Variants in EP400 observed in about 807,000 individuals in gnomAD.
EP400 encodes E1A-binding protein p400.
In EP400, 105 loss-of-function variants were observed where a neutral mutation model predicts 354.1. The ratio of observed to expected loss-of-function variants is 0.30; its 90% CI spans 0.25 to 0.35. The LOEUF is 0.35. EP400 is among the 10% of genes least tolerant of loss of function. The pLI, the probability that EP400 is intolerant of heterozygous loss-of-function variation, is 1.00. For synonymous variants in EP400, 1,646 were observed against 1,716.9 expected, an observed-to-expected ratio of 0.96 and a Z score of 1.02; for missense variants, 3,280 against 4,121.0, an observed-to-expected ratio of 0.80 and a Z score of 5.59.
chr12:132,073,998 C>T (rs1255808333), intron 51 of EP400, among the ~76,000 whole-genome samples: 1 of 130,910 alleles, frequency 7.6e-6, no homozygotes, highest in African/African-American at 3.0e-5. Flanking sequence ...GATCTTGGCT[C>T]ACTGCAACTT....
Position 131,990,744 on chromosome 12 carries a change from G to T in EP400, c.2629+30G>T. 1 of 1,499,276 alleles carries T rather than the reference G, an allele frequency of 6.7e-7. No individual in the cohort carries two copies. Among genetic ancestry groups the T allele is most frequent in the Non-Finnish European group, 9.2e-7 (1 of 1,087,430 alleles). 92.9% of individuals were successfully genotyped at this position (1,499,276 alleles called of 1,614,324 possible). On this transcript the variant is annotated intron_variant, in intron 9 of 52. Coordinates refer to ENST00000389561, the MANE Select transcript of EP400 (RefSeq NM_015409.5). The surrounding 1 kb of genome is among the most constrained non-coding windows in gnomAD (Gnocchi z 4.2). ...GACCCTTTAAAAAAAGGCTCACCAC[G>T]CTTGGGTGGTATTTTGTTCGGATTC... is the stretch of plus-strand genomic sequence containing the variant.
intron 12 of EP400, among the ~76,000 whole-genome samples, chr12:132,002,867 T>C (rs980183002): frequency 1.3e-5 from 2 of 152,120 alleles, no homozygotes; most frequent in African/African-American, 4.8e-5. Flanking sequence ...GAGCCTCTCA[T>C]TGGGTCAAGG....
At chr12:132,037,252 G>A (rs1428891421) in intron 30 of EP400, among the ~76,000 whole-genome samples, 5 of 152,246 alleles carry the variant, frequency 3.3e-5, no homozygotes, top group East Asian at 1.9e-4. Flanking sequence ...AGAGAAAAAC[G>A]CCCATAATTA....
rs780820685 is a variant in EP400, at chr12:132,006,690, A to G, written c.3127-10A>G. Reference sequence around the variant, plus strand: ...CGAGCTGTCATTCTTTTATTTGTTCATCACTGCAGGTCAAGTTTAATGCTC... The same window carrying G: ...CGAGCTGTCATTCTTTTATTTGTTCGTCACTGCAGGTCAAGTTTAATGCTC... On this transcript the variant is annotated splice_polypyrimidine_tract_variant and intron_variant, in intron 14 of 52. Coordinates refer to ENST00000389561, the MANE Select transcript of EP400 (RefSeq NM_015409.5). 4.5e-6 allele frequency: 7 copies of G among 1,564,240 alleles called. No individual in the cohort carries two copies. In the Admixed American group the frequency reaches 1.5e-4, roughly 34 times the overall value.
In EP400 at chr12:132,006,147, A is replaced by G. The variant is rs1298857551; in HGVS notation, c.2971A>G (p.Lys991Glu). Residue 991 changes from lysine (K) to glutamate (E), a missense_variant, in exon 14 of 53, where the codon AAG becomes GAG. Physicochemically the swap from Lys to Glu is moderately conservative, Grantham distance 56. This residue lies in a region of EP400 where 800 missense variants were observed against 840.0 expected (regional missense o/e 0.95). Transcript: ENST00000389561. ...DDCPGDRESRKDLVLIDSLFI... is the reference protein window; with the variant it reads ...DDCPGDRESREDLVLIDSLFI... ...CTGTCCAGGCGACAGGGAGAGTCGC[A>G]AGGACTTGGTTCTCATCGACTCGCT... 1.2e-6 allele frequency: 2 copies of G among 1,614,118 alleles called. No individual in the cohort carries two copies. Among genetic ancestry groups the G allele is most frequent in the African/African-American group, 1.3e-5 (1 of 75,058 alleles).
At chr12:132,015,042 G>A (rs1018133667) in intron 19 of EP400, among the ~76,000 whole-genome samples, 5 of 152,224 alleles carry the variant, frequency 3.3e-5, no homozygotes, top group East Asian at 1.9e-4. Flanking sequence ...GCCAGAGGGC[G>A]TGCACTCATG....
intron 32 of EP400, 75 bp from the exon 33 acceptor site, chr12:132,043,229 C>G: frequency 6.6e-7 from 1 of 1,510,956 alleles, no homozygotes; most frequent in East Asian, 2.3e-5. Flanking sequence ...ATTAACTTTA[C>G]ATGGGATAGC....
chr12:132,030,983 C>T (rs138322229), intron 29 of EP400, among the ~76,000 whole-genome samples: 1 of 152,330 alleles, frequency 6.6e-6, no homozygotes, highest in East Asian at 1.9e-4. Context: ...TTATCTCACA[C>T]ACACGCTCAT....
In EP400 at chr12:132,018,460, G is replaced by A. The variant is rs1035503893; in HGVS notation, c.4277+84G>A. The A allele has an allele frequency of 2.5e-5, 38 of 1,507,612 alleles. No homozygotes were observed. The highest frequency in any genetic ancestry group is 3.4e-5 in the Non-Finnish European group (38 of 1,129,642). 93.4% of individuals were successfully genotyped at this position (1,507,612 alleles called of 1,614,324 possible). A position where few individuals can be genotyped will look rare whatever the true frequency, so the allele number is the denominator to read the frequency against. ...CAGGTCTATGCGTGGTGAAAAGAAAGGCTGCTAATGTAGTTAGGTTATCTG... is the reference window on the plus strand; with the variant it reads ...CAGGTCTATGCGTGGTGAAAAGAAAAGCTGCTAATGTAGTTAGGTTATCTG... On this transcript the variant is annotated intron_variant, in intron 21 of 52. Coordinates refer to ENST00000389561, the MANE Select transcript of EP400 (RefSeq NM_015409.5). This position sits in a 1 kb window ranked among gnomAD's most constrained non-coding sequence, Gnocchi z 4.0.
chr12:132,037,052 A>G (rs1894743369), intron 30 of EP400, among the ~76,000 whole-genome samples: 1 of 152,124 alleles, frequency 6.6e-6, no homozygotes, highest in Admixed American at 6.5e-5. Context: ...AGCATTTAGC[A>G]TTTTACAGGC....
chr12:131,959,308 A>C lies in EP400; in HGVS notation c.-35-1277A>C, dbSNP rs372442401. Among the ~76,000 whole-genome samples, 3 of 152,194 alleles carry C rather than the reference A, an allele frequency of 2.0e-5. No individual in the cohort carries two copies. In the South Asian group the frequency reaches 6.2e-4, roughly 32 times the overall value. ...GGCACTGATTTGGGTGCCAGGTGCC[A>C]CTCACCATTGCGTTTGCACCCTTGC... On this transcript the variant is annotated intron_variant, in intron 1 of 52. Transcript: ENST00000389561.
At chr12:131,960,109 G>C (rs1891828663) in intron 1 of EP400, among the ~76,000 whole-genome samples, 1 of 152,236 alleles carries the variant, frequency 6.6e-6, no homozygotes, top group Non-Finnish European at 1.5e-5. Flanking sequence ...TCCATAGGGA[G>C]AGACGGGCGG....
chr12:131,953,802 TAC>T (rs920616246), intron 1 of EP400, among the ~76,000 whole-genome samples: 2 of 152,202 alleles, frequency 1.3e-5, no homozygotes, highest in African/African-American at 4.8e-5. Context: ...ATTTCAAAGA[TAC>T]ACAGAGATTG....
At position 132,050,284 on chromosome 12, in the gene EP400, C is replaced by A; in HGVS notation, c.7201-39C>A. 1 of 1,611,318 alleles carries A rather than the reference C, an allele frequency of 6.2e-7. No individual in the cohort carries two copies. The highest frequency in any genetic ancestry group is 1.1e-5 in the South Asian group (1 of 90,700). On this transcript the variant is annotated intron_variant, in intron 39 of 52. Transcript: ENST00000389561. The surrounding 1 kb of genome is among the most constrained non-coding windows in gnomAD (Gnocchi z 4.8). ...TGTCCCACGCAGCCGTCTGTCCATG[C>A]TGCCTAATTCAGATGCACTCTCGTC...
At position 132,050,493 on chromosome 12, in the gene EP400, A is replaced by G; in HGVS notation, c.7337+34A>G. ...CCTGAGTGCTCATTTTATGTTCATTATGACTGAGTAGATTGCGTGAAGCTT... is the reference window on the plus strand; with the variant it reads ...CCTGAGTGCTCATTTTATGTTCATTGTGACTGAGTAGATTGCGTGAAGCTT... On this transcript the variant is annotated intron_variant, in intron 40 of 52. Coordinates refer to ENST00000389561, the MANE Select transcript of EP400 (RefSeq NM_015409.5). The surrounding 1 kb of genome is among the most constrained non-coding windows in gnomAD (Gnocchi z 4.8). 1.2e-6 allele frequency: 2 copies of G among 1,613,590 alleles called. No homozygotes were observed. The highest frequency in any genetic ancestry group is 1.7e-6 in the Non-Finnish European group (2 of 1,179,528).
rs1593365448 is a variant in EP400, at chr12:132,038,269, G to A, written c.6207+173G>A. 6.6e-6 allele frequency among the ~76,000 whole-genome samples: 1 copy of A among 152,298 alleles called. No individual in the cohort carries two copies. The highest frequency in any genetic ancestry group is 1.9e-4 in the East Asian group (1 of 5,174). On this transcript the variant is annotated intron_variant, in intron 32 of 52. Coordinates refer to ENST00000389561, the MANE Select transcript of EP400 (RefSeq NM_015409.5). The surrounding 1 kb of genome is among the most constrained non-coding windows in gnomAD (Gnocchi z 4.2). The stretch of plus-strand genomic sequence containing the variant: ...CCCTTCTTTCTGTCATGGGGATTTT[G>A]AACTGTAAATACAAGTGAGGGGAAT...
intron 12 of EP400, among the ~76,000 whole-genome samples, chr12:132,002,800 G>A (rs1211157911): frequency 1.3e-5 from 2 of 152,220 alleles, no homozygotes; most frequent in Non-Finnish European, 2.9e-5. Context: ...TGAACACCAG[G>A]AGGTGGGTTC....
At chr12:132,060,405 A>C (rs1895652676) in intron 45 of EP400, among the ~76,000 whole-genome samples, 1 of 152,214 alleles carries the variant, frequency 6.6e-6, no homozygotes, top group Non-Finnish European at 1.5e-5. Flanking sequence ...TAGAAAGTCT[A>C]ATCCCAGTCA....
chr12:132,054,855 G>A lies in EP400; in HGVS notation c.7729-119G>A, dbSNP rs1895429527. The A allele has an allele frequency of 6.8e-6, 7 of 1,034,302 alleles. No individual in the cohort carries two copies. Among genetic ancestry groups the A allele is most frequent in the South Asian group, 5.5e-5 (4 of 72,638 alleles). The allele number at this position is 1,034,302 out of a possible 1,614,324, so 64.1% of individuals were successfully genotyped here. A position where few individuals can be genotyped will look rare whatever the true frequency, so the allele number is the denominator to read the frequency against. The stretch of plus-strand genomic sequence containing the variant: ...GAATGAGCTGGGGAGGATGGGACAG[G>A]TGGCTGTGTGAATGTCGTGGAGTTT... On this transcript the variant is annotated intron_variant, in intron 43 of 52. Transcript: ENST00000389561. The surrounding 1 kb of genome is among the most constrained non-coding windows in gnomAD (Gnocchi z 4.0).
Sources: allele counts gnomAD v4.1 joint callset (sites outside exome capture counted in the v4.1 genomes callset), GRCh38; gene constraint gnomAD v4.1.1; regional missense constraint gnomAD v4.1.1; non-coding constraint Gnocchi (gnomAD v3.1); transcripts MANE v1.5; gene names NCBI Gene and HGNC (gene_info 2026-07-23, HGNC 2026-07-21).